Variants in PDE11A observed in about 807,000 individuals in gnomAD.
The protein encoded by PDE11A is dual 3',5'-cyclic-AMP and -GMP phosphodiesterase 11A.
Under a neutral mutation model 100.5 loss-of-function variants are expected in PDE11A, and 100 were observed. The observed-to-expected ratio is 1.00, with a 90% CI of 0.85 to 1.18. PDE11A has a LOEUF of 1.18. Among genes scored for constraint, PDE11A ranks in the 50% most tolerant of loss-of-function variants. The probability of loss-of-function intolerance (pLI) is 0.00; values close to 1 mark genes in which losing one functional copy is unlikely to be tolerated. For missense variants in PDE11A, 1,141 were observed against 1,152.6 expected (o/e 0.99, Z 0.15); for synonymous variants, 381 against 420.8 (o/e 0.91, Z 1.16).
chr2:178,054,291 C>A (rs374873902), intron 1 of PDE11A, among the ~76,000 whole-genome samples: 8 of 152,176 alleles, frequency 5.3e-5, no homozygotes, highest in Admixed American at 2.0e-4. Flanking sequence ...AACTGGCTAG[C>A]CATATGTAGA....
chr2:177,907,932 T>C (rs2084816476), intron 2 of PDE11A, among the ~76,000 whole-genome samples: 1 of 152,230 alleles, frequency 6.6e-6, no homozygotes, highest in South Asian at 2.1e-4. Context: ...TGTTTTTTTG[T>C]CACTGATCCA....
intron 9 of PDE11A, among the ~76,000 whole-genome samples, chr2:177,773,974 A>G (rs2082346581): frequency 6.6e-6 from 1 of 152,158 alleles, no homozygotes; most frequent in African/African-American, 2.4e-5. Flanking sequence ...TTCTTTAAGC[A>G]GTTCCTTCTG....
chr2:177,830,748 T>C (rs1313068119), intron 6 of PDE11A, among the ~76,000 whole-genome samples: 1 of 151,704 alleles, frequency 6.6e-6, no homozygotes, highest in Non-Finnish European at 1.5e-5. Context: ...GAAACACACA[T>C]GGATACCCTG....
At chr2:177,988,399 T>G (rs2085965276) in intron 2 of PDE11A, among the ~76,000 whole-genome samples, 1 of 152,230 alleles carries the variant, frequency 6.6e-6, no homozygotes. Flanking sequence ...TCTAAGACAC[T>G]GTAAACAAAA....
chr2:178,018,942 T>C (rs1226097946), intron 1 of PDE11A, among the ~76,000 whole-genome samples: 1 of 152,184 alleles, frequency 6.6e-6, no homozygotes, highest in African/African-American at 2.4e-5. Context: ...GAGATTTCTT[T>C]CCCAGAATCA....
At chr2:178,038,215 C>G (rs2086641238) in intron 1 of PDE11A, among the ~76,000 whole-genome samples, 1 of 151,922 alleles carries the variant, frequency 6.6e-6, no homozygotes, top group Admixed American at 6.6e-5. Context: ...TGGCCACAAT[C>G]AAGATATGAA....
chr2:178,006,830 G>A (rs923265894), intron 2 of PDE11A, among the ~76,000 whole-genome samples: 5 of 151,022 alleles, frequency 3.3e-5, no homozygotes, highest in Non-Finnish European at 7.4e-5. Context: ...ACAAGGGGGG[G>A]GGGGGAAGCC....
intron 1 of PDE11A, among the ~76,000 whole-genome samples, 189 bp downstream of exon 1, chr2:178,071,336 GT>G: frequency 6.6e-6 from 1 of 152,342 alleles, no homozygotes; most frequent in Admixed American, 6.5e-5. Flanking sequence ...GCCATTGGGT[GT>G]TAAGAAAGGA....
At chr2:177,924,636 A>T (rs1043532453) in intron 2 of PDE11A, among the ~76,000 whole-genome samples, 3 of 152,296 alleles carry the variant, frequency 2.0e-5, no homozygotes, top group Middle Eastern at 6.8e-3. Context: ...CTTCTCAAGA[A>T]ATAATTCTTG....
At chr2:177,902,641 C>T (rs998673515) in intron 3 of PDE11A, among the ~76,000 whole-genome samples, 1 of 152,164 alleles carries the variant, frequency 6.6e-6, no homozygotes, top group Non-Finnish European at 1.5e-5. Context: ...ATTAACCCAG[C>T]TAGATTCCTG....
At chr2:177,998,230 G>A in intron 2 of PDE11A, 1 of 829,196 alleles carries the variant, frequency 1.2e-6, no homozygotes, top group Non-Finnish European at 2.2e-6. Context: ...TCTAGGACGT[G>A]TTTGGATTCA....
intron 2 of PDE11A, among the ~76,000 whole-genome samples, chr2:177,917,595 A>G (rs905555355): frequency 6.6e-6 from 1 of 152,240 alleles, no homozygotes; most frequent in African/African-American, 2.4e-5. Context: ...GAGCATTTTC[A>G]TACCACATAC....
intron 1 of PDE11A, among the ~76,000 whole-genome samples, chr2:178,015,845 A>C (rs2086328993): frequency 1.3e-5 from 2 of 152,132 alleles, no homozygotes; most frequent in African/African-American, 2.4e-5. Context: ...AAAATGCTCC[A>C]AGGTAGATGA....
chr2:177,912,123 C>G (rs546608901), intron 2 of PDE11A, among the ~76,000 whole-genome samples: 1 of 152,210 alleles, frequency 6.6e-6, no homozygotes, highest in East Asian at 1.9e-4. Flanking sequence ...CCAAGGTGGG[C>G]TCCTCACTGG....
upstream of PDE11A, chr2:178,072,997 G>A: frequency 1.0e-6 from 1 of 985,152 alleles, no homozygotes; most frequent in Non-Finnish European, 1.2e-6. Context: ...AGAGGGAAAC[G>A]CACCTTGTTC....
chr2:177,979,650 G>A (rs541863287), intron 2 of PDE11A, among the ~76,000 whole-genome samples: 3 of 122,556 alleles, frequency 2.4e-5, no homozygotes, highest in African/African-American at 3.4e-5. Context: ...TCACTCTGTC[G>A]CCCAGCCTGG....
chr2:178,079,593 T>C (rs184402674), intron 2 of PDE11A, among the ~76,000 whole-genome samples: 1 of 152,304 alleles, frequency 6.6e-6, no homozygotes, highest in Non-Finnish European at 1.5e-5. Flanking sequence ...AGTGCTGCAA[T>C]GAACATACAC....
chr2:177,730,530 T>A (rs1317307854), intron 10 of PDE11A, among the ~76,000 whole-genome samples: 1 of 152,004 alleles, frequency 6.6e-6, no homozygotes, highest in Non-Finnish European at 1.5e-5. Flanking sequence ...TTTTCTTACA[T>A]GTTTTTCATT....
chr2:177,789,992 C>T (rs1251460494), intron 9 of PDE11A, among the ~76,000 whole-genome samples: 2 of 151,178 alleles, frequency 1.3e-5, no homozygotes, highest in Non-Finnish European at 3.0e-5. Flanking sequence ...TCAATGCCAT[C>T]GCCATCAAGC....
Sources: gnomAD v4.1 joint callset for allele counts (sites outside exome capture counted in the v4.1 genomes callset) on GRCh38, gnomAD v4.1.1 for gene constraint, MANE v1.5 for transcripts, NCBI Gene and HGNC (gene_info 2026-07-23, HGNC 2026-07-21) for gene names.